Variants in FAM178B observed in about 807,000 individuals in gnomAD.
FAM178B encodes protein FAM178B.
FAM178B carries 82 observed loss-of-function variants against 91.7 expected under a neutral mutation model. The observed-to-expected ratio is 0.89, with a 90% CI of 0.75 to 1.07. The LOEUF (loss-of-function observed/expected upper bound fraction) is 1.07. FAM178B is among the 50% of genes least tolerant of loss of function. The probability of loss-of-function intolerance (pLI) is 0.00; values close to 1 mark genes in which losing one functional copy is unlikely to be tolerated. For synonymous variants in FAM178B, 368 were observed against 359.4 expected (o/e 1.02, Z -0.27); for missense variants, 769 against 846.7 (o/e 0.91, Z 1.14).
At chr2:96,960,186 C>T in intron 6 of FAM178B, 102 bp downstream of exon 6, 1 of 1,353,664 alleles carries the variant, frequency 7.4e-7, no homozygotes, top group South Asian at 1.5e-5. Context: ...CTGATCACCT[C>T]TTCGAACTTC....
At chr2:96,938,836 C>G (rs2081675625) in intron 8 of FAM178B, 1 of 152,350 alleles carries the variant, frequency 6.6e-6, no homozygotes, top group Admixed American at 6.5e-5. Flanking sequence ...GGAGGCGGCA[C>G]ACGCCCGCAG....
At position 96,947,806 on chromosome 2, in the gene FAM178B, C is replaced by G; in HGVS notation, c.1078+12G>C. ...CAGTGCGCCAATCTCCACCCTGCAT[C>G]CCAGTACTGACCAGGCTGAAGGAAG... is the stretch of plus-strand genomic sequence containing the variant. On this transcript the variant is annotated intron_variant, in intron 8 of 16. Coordinates refer to ENST00000490605, the MANE Select transcript of FAM178B (RefSeq NM_001122646.3). 6.7e-7 allele frequency: 1 copy of G among 1,497,730 alleles called. No individual in the cohort carries two copies. Among genetic ancestry groups the G allele is most frequent in the Non-Finnish European group, 9.1e-7 (1 of 1,098,310 alleles). The allele number at this position is 1,497,730 out of a possible 1,614,324, so 92.8% of individuals were successfully genotyped here.
intron 12 of FAM178B, among the ~76,000 whole-genome samples, chr2:96,905,965 C>A (rs1470969670): frequency 7.0e-6 from 1 of 143,200 alleles, no homozygotes; most frequent in Non-Finnish European, 1.5e-5. Flanking sequence ...TCTGCCTCCT[C>A]GGTTCAAGCG....
intron 5 of FAM178B, 45 bp downstream of exon 5, chr2:96,967,475 C>T (rs1050607869): frequency 7.8e-7 from 1 of 1,276,238 alleles, no homozygotes; most frequent in Non-Finnish European, 1.1e-6. Flanking sequence ...GTTGGCACCT[C>T]AGTCTTTCCC....
intron 3 of FAM178B, 128 bp from the exon 4 acceptor site, chr2:96,970,905 GGATT>G: frequency 1.3e-6 from 1 of 744,440 alleles, no homozygotes; most frequent in Non-Finnish European, 2.2e-6. Context: ...TATGTTTACA[GGATT>G]AAAAAATCAA....
At chr2:96,894,637 C>A (rs1452135324) in intron 13 of FAM178B, among the ~76,000 whole-genome samples, 1 of 92,686 alleles carries the variant, frequency 1.1e-5, no homozygotes. Flanking sequence ...CCCACAGACC[C>A]CCCACCCACA....
At chr2:96,945,838 T>C (rs958201480) in intron 8 of FAM178B, among the ~76,000 whole-genome samples, 1 of 152,186 alleles carries the variant, frequency 6.6e-6, no homozygotes, top group Non-Finnish European at 1.5e-5. Context: ...TGTGGTAAAA[T>C]ACACATAACA....
At chr2:96,945,123 T>A (rs960711804) in intron 8 of FAM178B, among the ~76,000 whole-genome samples, 1 of 152,250 alleles carries the variant, frequency 6.6e-6, no homozygotes, top group South Asian at 2.1e-4. Context: ...GTGCTCAATG[T>A]GTCTTTGCTG....
At chr2:96,926,277 G>A (rs1289315035) in intron 9 of FAM178B, among the ~76,000 whole-genome samples, 2 of 152,164 alleles carry the variant, frequency 1.3e-5, no homozygotes, top group African/African-American at 4.8e-5. Context: ...ACTCCAGCCT[G>A]GGCAACAAGA....
At chr2:96,883,764 T>C (rs555240211) in intron 14 of FAM178B, among the ~76,000 whole-genome samples, 1 of 152,286 alleles carries the variant, frequency 6.6e-6, no homozygotes, top group Non-Finnish European at 1.5e-5. Flanking sequence ...AAGCTGGCCC[T>C]GATGTCTGCT....
At chr2:96,924,218 CAA>C (rs997371377) in intron 9 of FAM178B, among the ~76,000 whole-genome samples, 30 of 152,216 alleles carry the variant, frequency 2.0e-4, no homozygotes, top group African/African-American at 6.5e-4. Context: ...CCAATCCCCC[CAA>C]AGTCCGTGAG....
chr2:96,942,624 C>T (rs573167373), intron 8 of FAM178B, among the ~76,000 whole-genome samples: 5 of 152,040 alleles, frequency 3.3e-5, no homozygotes, highest in South Asian at 2.1e-4. Flanking sequence ...CTTGATCTCC[C>T]GACCTCATGA....
At chr2:96,958,067 CTT>C (rs66515058) in intron 6 of FAM178B, among the ~76,000 whole-genome samples, 176 of 101,326 alleles carry the variant, frequency 1.7e-3, no homozygotes, top group East Asian at 5.8e-3. Context: ...TTTGAAGAAT[CTT>C]TTTTTTTTTT....
intron 12 of FAM178B, among the ~76,000 whole-genome samples, chr2:96,903,704 C>G (rs1051399378): frequency 6.6e-6 from 1 of 152,184 alleles, no homozygotes; most frequent in African/African-American, 2.4e-5. Flanking sequence ...CTGAGAATGC[C>G]CAGAGACAGC....
At chr2:96,962,107 G>A (rs918921244) in intron 5 of FAM178B, among the ~76,000 whole-genome samples, 2 of 152,110 alleles carry the variant, frequency 1.3e-5, no homozygotes, top group African/African-American at 4.8e-5. Context: ...TTCAAGACCA[G>A]CCTGGCCAAC....
intron 3 of FAM178B, among the ~76,000 whole-genome samples, chr2:96,971,096 TTATCCTGCACCAGGCTC>T (rs1470670061): frequency 3.3e-5 from 5 of 151,812 alleles, no homozygotes; most frequent in Admixed American, 6.6e-5. Context: ...ACCACACAGC[TTATCCTGCACCAGGCTC>T]TATCCTGCAC....
intron 1 of FAM178B, among the ~76,000 whole-genome samples, chr2:96,973,038 A>G (rs994366804): frequency 8.6e-5 from 13 of 151,920 alleles, no homozygotes; most frequent in Non-Finnish European, 1.3e-4. Flanking sequence ...ACCCGTCTCT[A>G]GTAAAATAAA....
chr2:96,908,972 G>A (rs943508334), intron 12 of FAM178B, among the ~76,000 whole-genome samples: 24 of 151,692 alleles, frequency 1.6e-4, no homozygotes, highest in Admixed American at 7.9e-4. Flanking sequence ...GTGAAACCCC[G>A]TCTCTACTAA....
intron 14 of FAM178B, among the ~76,000 whole-genome samples, chr2:96,887,414 G>A (rs2080554214): frequency 6.6e-6 from 1 of 152,184 alleles, no homozygotes; most frequent in Non-Finnish European, 1.5e-5. Flanking sequence ...TGCCTGAGGT[G>A]AGACTCTGGA....
Sources: allele counts gnomAD v4.1 joint callset (sites outside exome capture counted in the v4.1 genomes callset), GRCh38; gene constraint gnomAD v4.1.1; transcripts MANE v1.5; gene names NCBI Gene and HGNC (gene_info 2026-07-23, HGNC 2026-07-21).